Variants in ERG observed in about 807,000 individuals in gnomAD.
ERG encodes transcriptional regulator ERG.
A neutral mutation model predicts 55.3 loss-of-function variants in ERG; 9 were observed. The ratio of observed to expected loss-of-function variants is 0.16; its 90% CI spans 0.10 to 0.28. The LOEUF is 0.28. ERG is among the 10% of genes least tolerant of loss of function. ERG has a pLI of 1.00. For missense variants in ERG, 434 were observed against 631.6 expected (o/e 0.69, Z 3.35); for synonymous variants, 223 against 237.3 (o/e 0.94, Z 0.55).
intron 2 of ERG, among the ~76,000 whole-genome samples, chr21:38,514,561 T>C (rs1185981676): frequency 6.6e-6 from 1 of 151,900 alleles, no homozygotes; most frequent in Non-Finnish European, 1.5e-5. Flanking sequence ...AAATTCTTAG[T>C]AAATTAGAAA....
At chr21:38,468,910 G>A (rs568536489) in intron 1 of ERG, among the ~76,000 whole-genome samples, 118 of 150,282 alleles carry the variant, frequency 7.9e-4, no homozygotes, top group African/African-American at 2.8e-3. Flanking sequence ...GCGTGAACCC[G>A]GGAGGCGGAG....
At chr21:38,433,201 A>C (rs182426740) in intron 2 of ERG, among the ~76,000 whole-genome samples, 1 of 152,328 alleles carries the variant, frequency 6.6e-6, no homozygotes, top group African/African-American at 2.4e-5. Flanking sequence ...ATGATGGGCA[A>C]ACATTCTTAA....
chr21:38,625,455 T>C (rs1196164855), intron 1 of ERG, among the ~76,000 whole-genome samples: 1 of 152,200 alleles, frequency 6.6e-6, no homozygotes. Flanking sequence ...TCCTTGATCT[T>C]TAAAATGCTA....
At chr21:38,575,587 T>C in intron 2 of ERG, 2 of 1,059,296 alleles carry the variant, frequency 1.9e-6, no homozygotes, top group Non-Finnish European at 3.0e-6. Context: ...AATTAACTGA[T>C]ATGTGGGCTG....
chr21:38,549,736 G>GT (rs112621424), intron 2 of ERG, among the ~76,000 whole-genome samples: 76,531 of 151,798 alleles, frequency 0.5, 20,604 homozygotes, highest in Non-Finnish European at 0.62. Context: ...AGGACACAGT[G>GT]TTTTTTTTAA....
intron 2 of ERG, among the ~76,000 whole-genome samples, chr21:38,425,293 G>A (rs567679235): frequency 1.3e-5 from 2 of 152,202 alleles, no homozygotes; most frequent in South Asian, 4.2e-4. Context: ...GCTGAGGCAG[G>A]AGAATCCCTT....
intron 2 of ERG, among the ~76,000 whole-genome samples, chr21:38,561,309 T>A (rs1017981352): frequency 1.9e-4 from 29 of 152,218 alleles, no homozygotes; most frequent in African/African-American, 7.0e-4. Flanking sequence ...GCCAACATTG[T>A]CTATTTTATA....
At chr21:38,459,501 C>T (rs184106129) in intron 1 of ERG, among the ~76,000 whole-genome samples, 154 of 152,348 alleles carry the variant, frequency 1.0e-3, no homozygotes, top group African/African-American at 3.5e-3. Flanking sequence ...ACAGACAACA[C>T]GACAAACATC....
At chr21:38,369,330 C>A in the ERG span, among the ~76,000 whole-genome samples, 1 of 152,072 alleles carries the variant, frequency 6.6e-6, no homozygotes. Context: ...TAGATGGTAT[C>A]TTATTGTGGT....
chr21:38,408,413 C>T (rs1424629614), intron 3 of ERG, among the ~76,000 whole-genome samples: 1 of 152,234 alleles, frequency 6.6e-6, no homozygotes, highest in Non-Finnish European at 1.5e-5. Flanking sequence ...CCCTCACCTA[C>T]ACTCACGACC....
chr21:38,621,768 T>C (rs1193712581), intron 1 of ERG, among the ~76,000 whole-genome samples: 1 of 152,208 alleles, frequency 6.6e-6, no homozygotes, highest in Non-Finnish European at 1.5e-5. Flanking sequence ...CAGATGGCTA[T>C]GCAAGTTCAG....
chr21:38,423,421 A>G lies in ERG; in HGVS notation c.377T>C (p.Ile126Thr). 1 of 1,613,424 alleles carries G rather than the reference A, an allele frequency of 6.2e-7. No homozygotes were observed. Among genetic ancestry groups the G allele is most frequent in the Non-Finnish European group, 8.5e-7 (1 of 1,179,576 alleles). Residue 126 changes from isoleucine (I) to threonine (T), a missense_variant, in exon 3 of 10, where the codon ATC (isoleucine) becomes ACC (threonine). Ile to Thr is a moderately conservative substitution (Grantham distance 89). Around this residue, in one of 5 missense-constraint regions of ERG, gnomAD observed 212 missense variants for 262.9 expected, o/e 0.81. Transcript: ENST00000288319. ...TGTGGGCACCTGACCTGCTGGCACG[A>G]TAACTCTGCGCTCGTTCGTGGTCAT... ...PNMTTNERRV[I>T]VPADPTLWST... is the part of the protein sequence containing the mutation.
chr21:38,648,131 A>T (rs886828010), intron 1 of ERG, among the ~76,000 whole-genome samples: 4 of 152,222 alleles, frequency 2.6e-5, no homozygotes, highest in East Asian at 1.9e-4. Context: ...TCTTTTTTTT[A>T]AATTTTTTAC....
intron 1 of ERG, among the ~76,000 whole-genome samples, chr21:38,608,833 G>T (rs2060210214): frequency 6.6e-6 from 1 of 152,220 alleles, no homozygotes; most frequent in Non-Finnish European, 1.5e-5. Flanking sequence ...CATGTCTTGG[G>T]AGGCGGTTTA....
At chr21:38,604,024 G>A (rs1265094291) in intron 1 of ERG, among the ~76,000 whole-genome samples, 1 of 151,902 alleles carries the variant, frequency 6.6e-6, no homozygotes, top group Non-Finnish European at 1.5e-5. Flanking sequence ...CGAGGCGGGC[G>A]GATCATGAGG....
At position 38,382,059 on chromosome 21, in the gene ERG, T is replaced by G; in HGVS notation, c.*1344A>C. Reference sequence around the variant, plus strand: ...TTGCCATGCTAGGCCAAGCTTATTTTATTACATACATTCTGCATTCTAAGA... The same window carrying G: ...TTGCCATGCTAGGCCAAGCTTATTTGATTACATACATTCTGCATTCTAAGA... On this transcript the variant is annotated 3_prime_UTR_variant, in exon 10 of 10. Coordinates refer to ENST00000288319, the MANE Select transcript of ERG (RefSeq NM_182918.4). 1 of 1,059,504 alleles carries G rather than the reference T, an allele frequency of 9.4e-7. No individual in the cohort carries two copies. 65.6% of individuals were successfully genotyped at this position (1,059,504 alleles called of 1,614,324 possible). A position where few individuals can be genotyped will look rare whatever the true frequency, so the allele number is the denominator to read the frequency against.
intron 1 of ERG, among the ~76,000 whole-genome samples, chr21:38,622,955 A>T (rs1404480497): frequency 1.8e-4 from 1 of 5,662 alleles, no homozygotes; most frequent in African/African-American, 7.7e-4. Flanking sequence ...ACACACACAC[A>T]TCAGCACACA....
At chr21:38,493,691 C>T (rs2059356507) in intron 1 of ERG, among the ~76,000 whole-genome samples, 1 of 152,206 alleles carries the variant, frequency 6.6e-6, no homozygotes, top group Non-Finnish European at 1.5e-5. Flanking sequence ...CAGGACGAAG[C>T]CAACCCTCTC....
chr21:38,476,037 T>G (rs916045264), intron 1 of ERG, among the ~76,000 whole-genome samples: 1 of 152,184 alleles, frequency 6.6e-6, no homozygotes, highest in Non-Finnish European at 1.5e-5. Flanking sequence ...TTCAGGCAAA[T>G]ATGTCATGAT....
Sources: gnomAD v4.1 joint callset for allele counts (sites outside exome capture counted in the v4.1 genomes callset) on GRCh38, gnomAD v4.1.1 for gene constraint, gnomAD v4.1.1 regional missense constraint, MANE v1.5 for transcripts, NCBI Gene and HGNC (gene_info 2026-07-23, HGNC 2026-07-21) for gene names.